ITGA2: variants seen among roughly 807,000 people sequenced by gnomAD.
The protein encoded by ITGA2 is integrin subunit alpha 2.
In ITGA2, 101 loss-of-function variants were observed where a neutral mutation model predicts 146.3. The ratio of observed to expected loss-of-function variants is 0.69; its 90% CI spans 0.59 to 0.81. ITGA2 has a LOEUF of 0.81. Among genes scored for constraint, ITGA2 ranks in the 40% least tolerant of loss-of-function variants. The pLI is 0.00. For missense variants in ITGA2, 1,281 were observed against 1,402.7 expected (o/e 0.91, Z 1.39); for synonymous variants, 477 against 487.1 (o/e 0.98, Z 0.27).
At chr5:53,030,632 A>G (rs1363608585) in intron 2 of ITGA2, among the ~76,000 whole-genome samples, 1 of 148,510 alleles carries the variant, frequency 6.7e-6, no homozygotes, top group Admixed American at 6.7e-5. Flanking sequence ...CAAAGAAACA[A>G]GAGAGGCAAA....
At position 53,058,060 on chromosome 5, in the gene ITGA2, A is replaced by G; in HGVS notation, c.1132A>G (p.Met378Val). 6.2e-7 allele frequency: 1 copy of G among 1,611,858 alleles called. No homozygotes were observed. The highest frequency in any genetic ancestry group is 8.5e-7 in the Non-Finnish European group (1 of 1,178,486). ...VQGGDNFQME[M>V]SQVGFSADYS... ...AGGAGGAGACAACTTTCAGATGGAA[A>G]TGTCACAAGTGGGATTCAGTGCAGA... The change falls in exon 10 of 30, where the codon ATG becomes GTG. Residue 378 changes from methionine to valine, a missense_variant. Coordinates refer to ENST00000296585, the MANE Select transcript of ITGA2 (RefSeq NM_002203.4).
At chr5:53,017,531 T>C (rs1182000062) in intron 1 of ITGA2, among the ~76,000 whole-genome samples, 1 of 152,168 alleles carries the variant, frequency 6.6e-6, no homozygotes, top group Admixed American at 6.5e-5. Context: ...AGCTCTTTGT[T>C]GGGGTGGTGG....
intron 1 of ITGA2, among the ~76,000 whole-genome samples, chr5:53,022,671 A>G (rs1426913296): frequency 6.6e-6 from 1 of 152,064 alleles, no homozygotes; most frequent in Non-Finnish European, 1.5e-5. Context: ...AACTCAAGCA[A>G]TACTCTCATC....
chr5:53,075,367 C>A, intron 23 of ITGA2, 63 bp downstream of exon 23: 2 of 1,344,044 alleles, frequency 1.5e-6, no homozygotes, highest in Non-Finnish European at 2.1e-6. Context: ...AGATTTTTGG[C>A]TCATGGCTAA....
intron 1 of ITGA2, among the ~76,000 whole-genome samples, chr5:53,012,838 C>A (rs1742207690): frequency 6.6e-6 from 1 of 152,146 alleles, no homozygotes; most frequent in Non-Finnish European, 1.5e-5. Context: ...ACTTGTATTT[C>A]TCTAAAGATC....
intron 17 of ITGA2, among the ~76,000 whole-genome samples, chr5:53,070,703 C>G (rs1745352074): frequency 6.6e-6 from 1 of 151,734 alleles, no homozygotes; most frequent in Admixed American, 6.6e-5. Flanking sequence ...TATGAGATAA[C>G]AATTATTTGT....
At chr5:53,053,750 T>A (rs2111934247) in intron 7 of ITGA2, among the ~76,000 whole-genome samples, 1 of 152,274 alleles carries the variant, frequency 6.6e-6, no homozygotes, top group Non-Finnish European at 1.5e-5. Context: ...TCCTAGAATG[T>A]AATTGCCTGT....
At chr5:53,073,944 TAA>T (rs376587596) in intron 20 of ITGA2, among the ~76,000 whole-genome samples, 6 of 67,808 alleles carry the variant, frequency 8.8e-5, no homozygotes, top group South Asian at 5.6e-4. Flanking sequence ...TGAAGAAAAC[TAA>T]AAAAAAAAAA....
intron 1 of ITGA2, among the ~76,000 whole-genome samples, chr5:53,016,155 ATTGTGTAG>A (rs1188952715): frequency 6.6e-6 from 1 of 152,088 alleles, no homozygotes; most frequent in African/African-American, 2.4e-5. Context: ...TACAGACTTG[ATTGTGTAG>A]TTGCTTTATA....
intron 5 of ITGA2, 47 bp from the exon 6 acceptor site, chr5:53,048,594 AAT>A: frequency 6.2e-7 from 1 of 1,613,990 alleles, no homozygotes; most frequent in Non-Finnish European, 8.5e-7. Context: ...ATGGCTGTGA[AAT>A]ATGACTTACC....
chr5:53,088,954 C>G (rs1740276480), intron 28 of ITGA2: 1 of 152,080 alleles, frequency 6.6e-6, no homozygotes, highest in Non-Finnish European at 1.5e-5. Context: ...TCCGTGGTTC[C>G]CTGGGTTAGA....
intron 1 of ITGA2, among the ~76,000 whole-genome samples, chr5:53,011,443 T>C (rs1331448773): frequency 6.6e-6 from 1 of 152,138 alleles, no homozygotes; most frequent in Non-Finnish European, 1.5e-5. Flanking sequence ...TGCTGCAGGT[T>C]TCCAACCCAC....
In ITGA2 at chr5:53,063,286, A is replaced by G. The variant is rs149053072; in HGVS notation, c.1602+357A>G. On this transcript the variant is annotated intron_variant, in intron 13 of 29. Transcript: ENST00000296585. ...GTAATTTTTTGCGATAAAGACAACAATAACAGGGCAATGCTTTCTTGTTAT... is the reference window on the plus strand; with the variant it reads ...GTAATTTTTTGCGATAAAGACAACAGTAACAGGGCAATGCTTTCTTGTTAT... Among the ~76,000 whole-genome samples the G allele has an allele frequency of 3.9e-3, 598 of 152,050 alleles. 2 individuals carry two copies. Among genetic ancestry groups the G allele is most frequent in the Non-Finnish European group, 7.1e-3 (484 of 67,878 alleles).
Position 52,994,288 on chromosome 5 carries a change from C to G in ITGA2, c.64+4756C>G, listed in dbSNP as rs79929263. 5.2e-3 allele frequency among the ~76,000 whole-genome samples: 798 copies of G among 152,210 alleles called. 8 individuals carry two copies. The highest frequency in any genetic ancestry group is 0.018 in the African/African-American group (755 of 41,522). Reference sequence around the variant, plus strand: ...CATGGGGAAAGGAAATTGTCTCAGCCCTGAAGCATACTTAACCAATTTCAG... The same window carrying G: ...CATGGGGAAAGGAAATTGTCTCAGCGCTGAAGCATACTTAACCAATTTCAG... On this transcript the variant is annotated intron_variant, in intron 1 of 29. Coordinates refer to ENST00000296585, the MANE Select transcript of ITGA2 (RefSeq NM_002203.4).
At chr5:53,003,739 AT>A (rs1333829173) in intron 1 of ITGA2, among the ~76,000 whole-genome samples, 2 of 152,176 alleles carry the variant, frequency 1.3e-5, no homozygotes, top group Non-Finnish European at 2.9e-5. Context: ...GTGTCAAAAG[AT>A]TTCCAGACAT....
chr5:53,000,792 A>G (rs955089835), intron 1 of ITGA2, among the ~76,000 whole-genome samples: 2 of 150,936 alleles, frequency 1.3e-5, no homozygotes, highest in African/African-American at 4.9e-5. Context: ...GTGCCTGCTT[A>G]TCTTAGCTAG....
At chr5:53,000,060 C>A (rs1741487415) in intron 1 of ITGA2, among the ~76,000 whole-genome samples, 1 of 152,056 alleles carries the variant, frequency 6.6e-6, no homozygotes, top group Non-Finnish European at 1.5e-5. Flanking sequence ...TTTAATTTTG[C>A]TAGATTTTAA....
At chr5:53,051,309 C>T (rs1019249719) in intron 6 of ITGA2, 102 bp from the exon 7 acceptor site, 37 of 1,210,376 alleles carry the variant, frequency 3.1e-5, no homozygotes, top group Admixed American at 1.5e-4. Context: ...TTAAAGCTAC[C>T]GGCCCATGTC....
intron 2 of ITGA2, among the ~76,000 whole-genome samples, chr5:53,037,571 ATAGCCTCTTGGTGATGTCC>A (rs1743549622): frequency 6.6e-6 from 1 of 152,208 alleles, no homozygotes; most frequent in East Asian, 1.9e-4. Flanking sequence ...TTTTCTTGGA[ATAGCCTCTTGGTGATGTCC>A]TAGCCTCTTC....
Sources: gnomAD v4.1 joint callset for allele counts (sites outside exome capture counted in the v4.1 genomes callset) on GRCh38, gnomAD v4.1.1 for gene constraint, MANE v1.5 for transcripts, NCBI Gene and HGNC (gene_info 2026-07-23, HGNC 2026-07-21) for gene names.